Variants in HAO2 observed in about 807,000 individuals in gnomAD.
The protein encoded by HAO2 is hydroxyacid oxidase 2.
Under a neutral mutation model 37.4 loss-of-function variants are expected in HAO2, and 42 were observed. The observed-to-expected ratio is 1.12, with a 90% CI of 0.88 to 1.45. The LOEUF is 1.45. HAO2 is among the 40% of genes most tolerant of loss of function. HAO2 has a pLI of 0.00. For missense variants in HAO2, 476 were observed against 430.2 expected (o/e 1.11, Z -0.94); for synonymous variants, 180 against 162.8 (o/e 1.11, Z -0.81).
At chr1:119,382,806 C>T (rs916934785) in intron 2 of HAO2, 109 bp from the exon 3 acceptor site, 1 of 997,832 alleles carries the variant, frequency 1.0e-6, no homozygotes, top group South Asian at 1.6e-5. Flanking sequence ...TCCACAGGAC[C>T]CTGTCTGGTT....
intron 5 of HAO2, among the ~76,000 whole-genome samples, chr1:119,387,204 C>G (rs185451303): frequency 1.3e-5 from 2 of 152,054 alleles, no homozygotes; most frequent in Middle Eastern, 3.2e-3. Context: ...AAAGTAAACA[C>G]GTTTCATGGC....
At chr1:119,385,508 C>G (rs966220386) in intron 4 of HAO2, 1 of 811,480 alleles carries the variant, frequency 1.2e-6, no homozygotes, top group African/African-American at 1.8e-5. Context: ...TCTAGACAGG[C>G]CAGGTTCTAC....
chr1:119,391,970 C>G, intron 5 of HAO2, 140 bp from the exon 6 acceptor site: 1 of 683,364 alleles, frequency 1.5e-6, no homozygotes, highest in Non-Finnish European at 2.5e-6. Context: ...AGTTGATCAG[C>G]GCTAGCAGCC....
At chr1:119,380,354 G>T (rs587753064) in intron 1 of HAO2, 1 of 277,360 alleles carries the variant, frequency 3.6e-6, no homozygotes, top group Non-Finnish European at 6.7e-6. Context: ...AACATACATT[G>T]TTTCTCAGGT....
intron 2 of HAO2, among the ~76,000 whole-genome samples, chr1:119,381,631 G>A (rs995924915): frequency 6.6e-6 from 1 of 152,152 alleles, no homozygotes; most frequent in Non-Finnish European, 1.5e-5. Context: ...GAGATCCAAG[G>A]AGTCTCAAAG....
intron 1 of HAO2, among the ~76,000 whole-genome samples, chr1:119,370,755 A>G (rs921135842): frequency 6.6e-6 from 1 of 152,170 alleles, no homozygotes; most frequent in East Asian, 1.9e-4. Flanking sequence ...TCAGAAACAC[A>G]GTCTGGGTAG....
At chr1:119,379,095 G>A (rs1031034936) in intron 1 of HAO2, among the ~76,000 whole-genome samples, 10 of 152,158 alleles carry the variant, frequency 6.6e-5, no homozygotes, top group African/African-American at 2.4e-4. Flanking sequence ...AAGCTTCCAT[G>A]AGTCCTCTGC....
At chr1:119,374,944 C>T (rs1021727026) in intron 1 of HAO2, among the ~76,000 whole-genome samples, 11 of 152,160 alleles carry the variant, frequency 7.2e-5, no homozygotes, top group Non-Finnish European at 1.2e-4. Flanking sequence ...AATGTCCTTG[C>T]CCTCAGATTT....
In HAO2 at chr1:119,392,636, G is replaced by T. The variant is rs762595172; in HGVS notation, c.949G>T (p.Glu317Ter). 5 of 1,609,124 alleles carry T rather than the reference G, an allele frequency of 3.1e-6. No homozygotes were observed. In the Admixed American group the frequency reaches 8.3e-5, roughly 27 times the overall value. ...GGAGCAGGGTGAACATGGTGTTAAG[G>T]AAGTTTTGAACATTTTAACAAATGA... Reference protein sequence around the residue: ...LACKGEHGVKEVLNILTNEFH... With the variant: ...LACKGEHGVK The change falls in exon 7 of 8, where the codon GAA becomes TAA. Residue 317 changes from glutamate (E) to a stop codon, truncating the protein, a stop_gained. Coordinates refer to ENST00000325945, the MANE Select transcript of HAO2 (RefSeq NM_016527.4). LOFTEE classifies it high-confidence loss of function.
chr1:119,381,327 C>A, intron 2 of HAO2, 111 bp downstream of exon 2: 1 of 770,796 alleles, frequency 1.3e-6, no homozygotes, highest in Non-Finnish European at 2.2e-6. Flanking sequence ...TCACTCAAGA[C>A]CTAATAATGT....
intron 5 of HAO2, among the ~76,000 whole-genome samples, chr1:119,391,671 T>C (rs10923805): frequency 0.66 from 100,586 of 152,082 alleles, 33,444 homozygotes; most frequent in African/African-American, 0.71. Context: ...CAGGCCATGG[T>C]CAAGTGTACT....
chr1:119,378,865 G>A (rs1649690018), intron 1 of HAO2, among the ~76,000 whole-genome samples: 1 of 152,160 alleles, frequency 6.6e-6, no homozygotes, highest in Non-Finnish European at 1.5e-5. Context: ...TGACAGGCAG[G>A]GGAATGTTAA....
At chr1:119,387,101 G>C (rs1030132553) in intron 5 of HAO2, among the ~76,000 whole-genome samples, 2 of 152,092 alleles carry the variant, frequency 1.3e-5, no homozygotes, top group African/African-American at 4.8e-5. Context: ...TTTGCAAATG[G>C]GGATACTGTA....
At chr1:119,385,534 C>A in intron 4 of HAO2, 1 of 911,626 alleles carries the variant, frequency 1.1e-6, no homozygotes, top group Non-Finnish European at 1.3e-6. Flanking sequence ...TGCCTTGAAA[C>A]TGAGGAATCA....
intron 4 of HAO2, among the ~76,000 whole-genome samples, chr1:119,386,316 C>T (rs72991408): frequency 0.035 from 5,368 of 152,190 alleles, 300 homozygotes; most frequent in African/African-American, 0.12. Context: ...TGAGCCCAAG[C>T]GATCCTCCCA....
Position 119,386,800 on chromosome 1 carries a change from G to A in HAO2, c.740G>A (p.Gly247Asp), listed in dbSNP as rs1570785799. 6.2e-7 allele frequency: 1 copy of A among 1,613,062 alleles called. No individual in the cohort carries two copies. ...NVQGIIVSNH[G>D]GRQLDEVLAS... is the part of the protein sequence containing the mutation. ...CAGGGTATCATTGTTTCCAACCATG[G>A]TGGGAGGCAGCTTGATGAGGTTCTT... The change falls in exon 5 of 8, where the codon GGT (glycine) becomes GAT (aspartate). Residue 247 changes from glycine to aspartate, a missense_variant. By Grantham distance (94) the Gly-to-Asp change is moderately conservative. Coordinates refer to ENST00000325945, the MANE Select transcript of HAO2 (RefSeq NM_016527.4).
chr1:119,394,024 A>G lies in HAO2; in HGVS notation c.*184A>G. The G allele has an allele frequency of 1.4e-6, 2 of 1,411,118 alleles. No individual in the cohort carries two copies. Among genetic ancestry groups the G allele is most frequent in the African/African-American group, 1.4e-5 (1 of 69,178 alleles). 87.4% of individuals were successfully genotyped at this position (1,411,118 alleles called of 1,614,324 possible). On this transcript the variant is annotated 3_prime_UTR_variant, in exon 8 of 8. Transcript: ENST00000325945. ...CCCTCCAAACCCCTGTGTTCCCCAA[A>G]TGTTCCATGCCCTTCTTTGTATCAC...
chr1:119,378,044 T>C (rs1182335499), intron 1 of HAO2, among the ~76,000 whole-genome samples: 1 of 147,676 alleles, frequency 6.8e-6, no homozygotes, highest in South Asian at 2.1e-4. Flanking sequence ...ACATACATTA[T>C]AAAAAGAAAA....
chr1:119,385,772 A>C, intron 4 of HAO2: 1 of 985,368 alleles, frequency 1.0e-6, no homozygotes, highest in Non-Finnish European at 1.2e-6. Flanking sequence ...TGTGACACCA[A>C]GCCAAGTAAC....
Sources: gnomAD v4.1 joint callset for allele counts (sites outside exome capture counted in the v4.1 genomes callset) on GRCh38, gnomAD v4.1.1 for gene constraint, MANE v1.5 for transcripts, NCBI Gene and HGNC (gene_info 2026-07-23, HGNC 2026-07-21) for gene names.